RIC3: variants seen among roughly 807,000 people sequenced by gnomAD.
RIC3 encodes RIC3 acetylcholine receptor chaperone.
A neutral mutation model predicts 27.3 loss-of-function variants in RIC3; 28 were observed. The ratio of observed to expected loss-of-function variants is 1.02; its 90% CI spans 0.76 to 1.41. RIC3 has a LOEUF of 1.41. Ranked by LOEUF, RIC3 falls within the 40% of genes most tolerant of loss-of-function variation. RIC3 has a pLI of 0.00. For missense variants in RIC3, 501 were observed against 444.7 expected, an observed-to-expected ratio of 1.13 and a Z score of -1.14; for synonymous variants, 184 against 160.4, an observed-to-expected ratio of 1.15 and a Z score of -1.11.
chr11:8,138,245 G>A, intron 3 of RIC3, 27 bp downstream of exon 3: 1 of 1,505,328 alleles, frequency 6.6e-7, no homozygotes, highest in Non-Finnish European at 9.3e-7. Context: ...AATAATACCT[G>A]TGAATATACT....
At chr11:8,098,140 G>A in the RIC3 span, among the ~76,000 whole-genome samples, 1 of 152,000 alleles carries the variant, frequency 6.6e-6, no homozygotes, top group African/African-American at 2.4e-5. Flanking sequence ...TTGGCTCCAT[G>A]GTCAATGCCA....
intron 1 of RIC3, among the ~76,000 whole-genome samples, chr11:8,165,340 A>ATTGTGTT (rs751248150): frequency 0.076 from 11,623 of 152,298 alleles, 505 homozygotes; most frequent in South Asian, 0.11. Context: ...CACACAATGA[A>ATTGTGTT]ATATTATTCA....
Position 8,154,780 on chromosome 11 carries a change from G to A in RIC3, c.124+14086C>T, listed in dbSNP as rs1013067718. On this transcript the variant is annotated intron_variant, in intron 1 of 5. Transcript: ENST00000309737. ...TTTTAAGTTTGCTTTATTAAAAACA[G>A]CTAAAGAGATCAGAATAAAGATATC... Among the ~76,000 whole-genome samples the A allele has an allele frequency of 2.0e-5, 3 of 152,090 alleles. No individual in the cohort carries two copies. In the East Asian group the frequency reaches 5.8e-4, roughly 29 times the overall value.
chr11:8,100,309 A>T, the RIC3 span, among the ~76,000 whole-genome samples: 1 of 152,196 alleles, frequency 6.6e-6, no homozygotes, highest in African/African-American at 2.4e-5. Flanking sequence ...AGGATGACGC[A>T]TAAGAGGAGC....
intron 5 of RIC3, among the ~76,000 whole-genome samples, chr11:8,117,017 T>C (rs1480699486): frequency 1.3e-5 from 2 of 152,204 alleles, no homozygotes; most frequent in Admixed American, 6.5e-5. Context: ...TGAACATCCA[T>C]GAATGGATGA....
Position 8,153,170 on chromosome 11 carries a change from T to C in RIC3, c.125-12977A>G, listed in dbSNP as rs149094186. On this transcript the variant is annotated intron_variant, in intron 1 of 5. Coordinates refer to ENST00000309737, the MANE Select transcript of RIC3 (RefSeq NM_001206671.4). ...AGAGCAATGGAACATATAGACTAGA[T>C]AGCAAAAAATATGTTTTATATCCTA... Among the ~76,000 whole-genome samples the C allele has an allele frequency of 6.3e-3, 967 of 152,290 alleles. 23 individuals carry two copies. Among genetic ancestry groups the C allele is most frequent in the Admixed American group, 0.051 (778 of 15,294 alleles).
intron 2 of RIC3, chr11:8,139,276 C>T (rs973669481): frequency 5.2e-5 from 8 of 152,524 alleles, no homozygotes; most frequent in African/African-American, 1.9e-4. Flanking sequence ...TTTAAGCTTA[C>T]TCTAGACAGG....
chr11:8,119,612 T>C (rs1434220648), intron 5 of RIC3, among the ~76,000 whole-genome samples: 1 of 152,098 alleles, frequency 6.6e-6, no homozygotes, highest in African/African-American at 2.4e-5. Context: ...ACCTAGGCAA[T>C]ACCATTCAGG....
intron 1 of RIC3, among the ~76,000 whole-genome samples, chr11:8,147,972 C>G (rs1457054662): frequency 2.0e-5 from 3 of 151,970 alleles, no homozygotes; most frequent in East Asian, 1.9e-4. Flanking sequence ...TGATCTGCCC[C>G]CCTTGGTCTC....
rs11378233 is a variant in RIC3 at position 8,118,527 on chromosome 11, T to TAAAAA, written c.671-7395_671-7391dup. On this transcript the variant is annotated intron_variant, in intron 5 of 5. Transcript: ENST00000309737. Reference sequence around the variant, plus strand: ...GCTATTGAATAGAAAGCCATAATTGTAAAAAAAAAAAAAAAAAAAAAAAAA... The same window carrying TAAAAA: ...GCTATTGAATAGAAAGCCATAATTGTAAAAAAAAAAAAAAAAAAAAAAAAAAAAAA... 6.3e-4 allele frequency among the ~76,000 whole-genome samples: 42 copies of TAAAAA among 66,678 alleles called. 2 individuals are homozygous for TAAAAA. Among genetic ancestry groups the TAAAAA allele is most frequent in the African/African-American group, 2.3e-3 (40 of 17,092 alleles). 43.7% of individuals were successfully genotyped at this position (66,678 alleles called of 152,430 possible). A position where few individuals can be genotyped will look rare whatever the true frequency, so the allele number is the denominator to read the frequency against.
At chr11:8,144,142 C>T (rs1454749045) in intron 1 of RIC3, among the ~76,000 whole-genome samples, 2 of 152,144 alleles carry the variant, frequency 1.3e-5, no homozygotes, top group Non-Finnish European at 2.9e-5. Flanking sequence ...GTCCAGAACA[C>T]CAAAAGCGAT....
chr11:8,137,760 G>C (rs549164180), intron 3 of RIC3, among the ~76,000 whole-genome samples: 2 of 143,302 alleles, frequency 1.4e-5, no homozygotes, highest in Non-Finnish European at 1.6e-5. Flanking sequence ...TCTCTTACTT[G>C]CGGGTGGTAA....
intron 2 of RIC3, 135 bp from the exon 3 acceptor site, chr11:8,138,482 G>C: frequency 2.2e-6 from 1 of 457,884 alleles, no homozygotes; most frequent in Non-Finnish European, 3.8e-6. Flanking sequence ...CAACACTAGA[G>C]AAATAGCTCA....
chr11:8,153,152 T>C (rs1565106584), intron 1 of RIC3, among the ~76,000 whole-genome samples: 2 of 152,268 alleles, frequency 1.3e-5, no homozygotes, highest in East Asian at 1.9e-4. Context: ...TGGAGAGCAA[T>C]GGAACATATA....
intron 4 of RIC3, among the ~76,000 whole-genome samples, chr11:8,133,517 G>A (rs985825966): frequency 6.6e-6 from 1 of 152,190 alleles, no homozygotes; most frequent in East Asian, 1.9e-4. Flanking sequence ...TTCTTCAGTG[G>A]GAAGAGTTGC....
chr11:8,123,999 A>G (rs895123381), intron 5 of RIC3, among the ~76,000 whole-genome samples: 1 of 151,124 alleles, frequency 6.6e-6, no homozygotes, highest in African/African-American at 2.4e-5. Flanking sequence ...TGAGCCCAGG[A>G]GATCAAACAG....
chr11:8,139,836 G>T, intron 2 of RIC3, 131 bp downstream of exon 2: 1 of 758,690 alleles, frequency 1.3e-6, no homozygotes. Flanking sequence ...TCATGAAGAG[G>T]AGGCAGGATT....
intron 4 of RIC3, among the ~76,000 whole-genome samples, chr11:8,131,449 ACATT>A (rs1277533245): frequency 6.6e-6 from 1 of 152,308 alleles, no homozygotes; most frequent in South Asian, 2.1e-4. Flanking sequence ...GCCATCTTGG[ACATT>A]CATTCATTCA....
chr11:8,106,082 TTTTGAA>T lies in RIC3; in HGVS notation c.*4610_*4615del, dbSNP rs1387756582. 1 of 152,244 alleles carries T rather than the reference TTTTGAA, an allele frequency of 6.6e-6. No individual in the cohort carries two copies. Among genetic ancestry groups the T allele is most frequent in the Non-Finnish European group, 1.5e-5 (1 of 68,038 alleles). 9.4% of individuals were successfully genotyped at this position (152,244 alleles called of 1,614,324 possible). ...TTGCAAAACTGTGCTTTTATTGACTTTTTGAATAAACTTTGGTATTCTGGAGCAAAT... is the reference window on the plus strand; with the variant it reads ...TTGCAAAACTGTGCTTTTATTGACTTTAAACTTTGGTATTCTGGAGCAAAT... On this transcript the variant is annotated 3_prime_UTR_variant, in exon 6 of 6. Transcript: ENST00000309737.
Sources: gnomAD v4.1 joint callset for allele counts (sites outside exome capture counted in the v4.1 genomes callset) on GRCh38, gnomAD v4.1.1 for gene constraint, MANE v1.5 for transcripts, NCBI Gene and HGNC (gene_info 2026-07-23, HGNC 2026-07-21) for gene names.